The following PLCB4 variants were observed in gnomAD, a reference collection of about 807,000 sequenced individuals.
PLCB4 encodes 1-phosphatidylinositol 4,5-bisphosphate phosphodiesterase beta-4.
PLCB4 carries 77 observed loss-of-function variants against 178.8 expected under a neutral mutation model. That is an observed-to-expected ratio of 0.43 (90% CI 0.36 to 0.52). The LOEUF is 0.52. PLCB4 is among the 20% of genes least tolerant of loss of function. PLCB4 has a pLI of 0.00. For missense variants in PLCB4, 1,024 were observed against 1,453.4 expected, an observed-to-expected ratio of 0.70 and a Z score of 4.80; for synonymous variants, 496 against 490.8, an observed-to-expected ratio of 1.01 and a Z score of -0.14.
At chr20:9,395,723 G>A in intron 19 of PLCB4, 105 bp downstream of exon 19, 1 of 751,708 alleles carries the variant, frequency 1.3e-6, no homozygotes, top group Admixed American at 2.3e-5. Context: ...CAGCACTTGG[G>A]GAGGCCAAGG....
At chr20:9,468,127 A>G (rs900882672) in intron 35 of PLCB4, among the ~76,000 whole-genome samples, 4 of 152,102 alleles carry the variant, frequency 2.6e-5, no homozygotes, top group Admixed American at 2.6e-4. Context: ...CAAAACTGAG[A>G]TCTTTATATT....
intron 32 of PLCB4, 115 bp from the exon 33 acceptor site, chr20:9,453,232 A>G (rs1349283043): frequency 1.5e-6 from 1 of 650,348 alleles, no homozygotes. Flanking sequence ...AGATTTGGTT[A>G]TTCCTTGACT....
chr20:9,222,038 TTTATTTTATTTTATTTTATTTTA>T (rs2093805405), intron 3 of PLCB4, among the ~76,000 whole-genome samples: 1 of 1,254 alleles, frequency 8.0e-4, no homozygotes, highest in African/African-American at 3.3e-3. Flanking sequence ...TTTATTTTGT[TTTATTTTATTTTATTTTATTTTA>T]TTTTATTTTA....
At chr20:9,161,282 T>C (rs2092883506) in intron 2 of PLCB4, among the ~76,000 whole-genome samples, 1 of 152,220 alleles carries the variant, frequency 6.6e-6, no homozygotes, top group Non-Finnish European at 1.5e-5. Flanking sequence ...CCTTGCCTTT[T>C]TGAGAACTGC....
chr20:9,448,919 G>A (rs972743982), intron 32 of PLCB4, among the ~76,000 whole-genome samples: 10 of 152,116 alleles, frequency 6.6e-5, no homozygotes, highest in African/African-American at 2.2e-4. Flanking sequence ...AAATAGGTGT[G>A]CAATTTGCTG....
chr20:9,386,787 C>T (rs1816335858), intron 14 of PLCB4, among the ~76,000 whole-genome samples: 1 of 149,774 alleles, frequency 6.7e-6, no homozygotes, highest in Non-Finnish European at 1.5e-5. Context: ...TTAGATATAT[C>T]TCCTAATGCT....
chr20:9,233,153 A>T (rs924691964), intron 3 of PLCB4, among the ~76,000 whole-genome samples: 1 of 152,152 alleles, frequency 6.6e-6, no homozygotes, highest in Non-Finnish European at 1.5e-5. Flanking sequence ...TTTCATTTTG[A>T]TAATCCAAAA....
At chr20:9,348,140 G>T (rs1270331522) in intron 7 of PLCB4, among the ~76,000 whole-genome samples, 5 of 152,216 alleles carry the variant, frequency 3.3e-5, no homozygotes, top group Non-Finnish European at 5.9e-5. Context: ...GACACCAGGA[G>T]TCAGCTACTA....
At chr20:9,084,545 A>G (rs6086764) in intron 1 of PLCB4, among the ~76,000 whole-genome samples, 73,933 of 151,726 alleles carry the variant, frequency 0.49, 18,514 homozygotes, top group Middle Eastern at 0.57. Context: ...ATCATAAGAC[A>G]TTCATTAAGT....
chr20:9,105,796 A>G (rs559543922), intron 2 of PLCB4, among the ~76,000 whole-genome samples: 2 of 152,252 alleles, frequency 1.3e-5, no homozygotes, highest in South Asian at 2.1e-4. Flanking sequence ...CTGCTAATAT[A>G]GAAATAATTC....
chr20:9,405,975 A>T (rs150485954), intron 21 of PLCB4, among the ~76,000 whole-genome samples: 1 of 152,174 alleles, frequency 6.6e-6, no homozygotes, highest in Non-Finnish European at 1.5e-5. Flanking sequence ...TTGAGATCGT[A>T]TCTTCTCACC....
intron 3 of PLCB4, among the ~76,000 whole-genome samples, chr20:9,241,467 A>G (rs2094061189): frequency 6.6e-6 from 1 of 152,128 alleles, no homozygotes; most frequent in South Asian, 2.1e-4. Context: ...CAAAAGCAGA[A>G]TGGGAAACAA....
At chr20:9,379,999 T>C in intron 12 of PLCB4, 55 bp from the exon 13 acceptor site, 2 of 855,088 alleles carry the variant, frequency 2.3e-6, no homozygotes, top group East Asian at 2.5e-5. Flanking sequence ...TAGTAATGTC[T>C]AATGCCTCAA....
At chr20:9,142,375 G>A (rs1175073741) in intron 2 of PLCB4, among the ~76,000 whole-genome samples, 2 of 152,062 alleles carry the variant, frequency 1.3e-5, no homozygotes, top group African/African-American at 4.8e-5. Flanking sequence ...GGATGGTCAC[G>A]CCAAGGTTGT....
chr20:9,386,221 C>T (rs2037649329), intron 14 of PLCB4, among the ~76,000 whole-genome samples: 1 of 151,664 alleles, frequency 6.6e-6, no homozygotes, highest in Non-Finnish European at 1.5e-5. Context: ...GCAGTATAGT[C>T]CAGCCTCGGC....
At chr20:9,254,592 G>A (rs757966806) in intron 3 of PLCB4, among the ~76,000 whole-genome samples, 7 of 152,204 alleles carry the variant, frequency 4.6e-5, no homozygotes, top group Admixed American at 2.0e-4. Context: ...CAGCTTCTTC[G>A]GAGGCTGAGA....
At chr20:9,170,414 TATC>T (rs1228666194) in intron 2 of PLCB4, among the ~76,000 whole-genome samples, 2 of 152,328 alleles carry the variant, frequency 1.3e-5, no homozygotes, top group East Asian at 1.9e-4. Context: ...TATTGATTCT[TATC>T]ATGTTTTATG....
At position 9,457,493 on chromosome 20, in the gene PLCB4, A is replaced by T; in HGVS notation, c.3072+4A>T. The T allele has an allele frequency of 7.2e-7, 1 of 1,394,064 alleles. No homozygotes were observed. Among genetic ancestry groups the T allele is most frequent in the Non-Finnish European group, 1.0e-6 (1 of 979,372 alleles). 86.4% of individuals were successfully genotyped at this position (1,394,064 alleles called of 1,614,324 possible). ...GACATCAGATCACAAATCTAAGGTA[A>T]GAAAATGCCCATTTTTACAGCAGTG... On this transcript the variant is annotated splice_donor_region_variant and intron_variant, in intron 34 of 39. Transcript: ENST00000378473.
In PLCB4 at chr20:9,153,524, C is replaced by T. The variant is rs139485013; in HGVS notation, c.-79+57182C>T. Among the ~76,000 whole-genome samples, 16 of 152,284 alleles carry T rather than the reference C, an allele frequency of 1.1e-4. No individual in the cohort carries two copies. In the East Asian group the frequency reaches 1.4e-3, roughly 13 times the overall value. The stretch of plus-strand genomic sequence containing the variant: ...ATGTAAGAAGTGCCTTTCAACCTCC[C>T]GCCATGATTCTGAGGCCTCCCTAAC... On this transcript the variant is annotated intron_variant, in intron 2 of 39. Coordinates refer to ENST00000378473, the MANE Select transcript of PLCB4 (RefSeq NM_001377142.1).
Sources: allele counts gnomAD v4.1 joint callset (sites outside exome capture counted in the v4.1 genomes callset), GRCh38; gene constraint gnomAD v4.1.1; transcripts MANE v1.5; gene names NCBI Gene and HGNC (gene_info 2026-07-23, HGNC 2026-07-21).